ERP44: variants seen among roughly 807,000 people sequenced by gnomAD.
ERP44 encodes endoplasmic reticulum protein 44, also known as endoplasmic reticulum resident protein 44.
Under a neutral mutation model 53.4 loss-of-function variants are expected in ERP44, and 25 were observed. The ratio of observed to expected loss-of-function variants is 0.47; its 90% CI spans 0.34 to 0.65. The LOEUF is 0.65. ERP44 is among the 30% of genes least tolerant of loss of function. The pLI is 0.01. For missense variants in ERP44, 338 were observed against 493.2 expected, an observed-to-expected ratio of 0.69 and a Z score of 2.98; for synonymous variants, 145 against 161.2, an observed-to-expected ratio of 0.90 and a Z score of 0.76.
At chr9:100,078,787 A>G (rs1826387717) in intron 1 of ERP44, among the ~76,000 whole-genome samples, 1 of 152,144 alleles carries the variant, frequency 6.6e-6, no homozygotes, top group Non-Finnish European at 1.5e-5. Context: ...AAGTAAAGAA[A>G]AATATCTTCA....
At chr9:99,994,715 C>T (rs1468695427) in intron 10 of ERP44, among the ~76,000 whole-genome samples, 2 of 152,146 alleles carry the variant, frequency 1.3e-5, no homozygotes, top group African/African-American at 2.4e-5. Context: ...TCTTCCATGG[C>T]TCTATGTACC....
chr9:99,996,142 G>T (rs1158746721), intron 10 of ERP44, among the ~76,000 whole-genome samples: 5 of 152,128 alleles, frequency 3.3e-5, no homozygotes, highest in African/African-American at 1.2e-4. Flanking sequence ...ACATGGAGGT[G>T]CTGGTAGGTG....
At chr9:100,068,406 AGCCGCCGGG>A in intron 1 of ERP44, among the ~76,000 whole-genome samples, 3 of 39,814 alleles carry the variant, frequency 7.5e-5, no homozygotes, top group Non-Finnish European at 1.6e-4. Flanking sequence ...CTGCCCGGCC[AGCCGCCGGG>A]CCAGCCGCCC....
intron 1 of ERP44, among the ~76,000 whole-genome samples, chr9:100,070,742 T>G (rs141692654): frequency 9.7e-4 from 147 of 152,312 alleles, no homozygotes; most frequent in African/African-American, 3.5e-3. Flanking sequence ...ATAAGAAACA[T>G]TGGCTATAGA....
At chr9:99,991,223 GCAC>G (rs1201230420) in intron 10 of ERP44, among the ~76,000 whole-genome samples, 8 of 152,160 alleles carry the variant, frequency 5.3e-5, no homozygotes, top group African/African-American at 1.7e-4. Context: ...ATTCTTCTCA[GCAC>G]CACATCACAC....
In ERP44 at chr9:99,982,601, T is replaced by TG. The variant is rs1247951938; in HGVS notation, c.*10_*11insC. The TG allele has an allele frequency of 2.7e-6, 4 of 1,463,916 alleles. No individual in the cohort carries two copies. Among genetic ancestry groups the TG allele is most frequent in the Non-Finnish European group, 3.7e-6 (4 of 1,089,726 alleles). 90.7% of individuals were successfully genotyped at this position (1,463,916 alleles called of 1,614,324 possible). A position where few individuals can be genotyped will look rare whatever the true frequency, so the allele number is the denominator to read the frequency against. ...TGCTGTTGAAAGGCTTACAAACTGT[T>TG]TTTCAAGTTTTTAAAGCTCATCTCG... On this transcript the variant is annotated 3_prime_UTR_variant, in exon 12 of 12. Transcript: ENST00000262455.
intron 1 of ERP44, among the ~76,000 whole-genome samples, chr9:100,084,419 G>A (rs1203897534): frequency 6.6e-6 from 1 of 152,168 alleles, no homozygotes; most frequent in African/African-American, 2.4e-5. Context: ...GGATGACTGT[G>A]TATACTTTTA....
At chr9:99,990,707 GAC>G (rs1272245453) in intron 10 of ERP44, among the ~76,000 whole-genome samples, 7 of 152,172 alleles carry the variant, frequency 4.6e-5, no homozygotes, top group African/African-American at 1.7e-4. Context: ...CCAATTAAAA[GAC>G]ACAGACTGGC....
intron 10 of ERP44, among the ~76,000 whole-genome samples, chr9:99,989,283 G>A (rs1177622007): frequency 2.0e-5 from 3 of 152,160 alleles, no homozygotes; most frequent in Non-Finnish European, 2.9e-5. Flanking sequence ...CTCCCAGTAG[G>A]AGCCGACTGA....
At chr9:100,083,278 G>C (rs1826447323) in intron 1 of ERP44, among the ~76,000 whole-genome samples, 1 of 151,892 alleles carries the variant, frequency 6.6e-6, no homozygotes, top group East Asian at 1.9e-4. Flanking sequence ...ACTAGATAGT[G>C]GATAAATTAC....
intron 4 of ERP44, among the ~76,000 whole-genome samples, chr9:100,047,128 T>C (rs1564097249): frequency 6.6e-6 from 1 of 152,214 alleles, no homozygotes; most frequent in Non-Finnish European, 1.5e-5. Flanking sequence ...GTATAAACCT[T>C]CATACTACCA....
intron 4 of ERP44, among the ~76,000 whole-genome samples, chr9:100,041,854 G>A (rs1434427153): frequency 6.6e-6 from 1 of 152,182 alleles, no homozygotes; most frequent in East Asian, 1.9e-4. Flanking sequence ...ATATCCATAT[G>A]CAGAAGAATG....
At chr9:100,041,636 C>G (rs544074817) in intron 4 of ERP44, among the ~76,000 whole-genome samples, 1 of 152,210 alleles carries the variant, frequency 6.6e-6, no homozygotes, top group Non-Finnish European at 1.5e-5. Flanking sequence ...CCACTGCACT[C>G]CAGCCCCGCG....
At chr9:100,028,582 G>A (rs1406780002) in intron 4 of ERP44, among the ~76,000 whole-genome samples, 2 of 152,184 alleles carry the variant, frequency 1.3e-5, no homozygotes, top group African/African-American at 4.8e-5. Flanking sequence ...ACCACCACTG[G>A]AGAAAACCAC....
chr9:100,067,024 A>G (rs1826217527), intron 1 of ERP44, among the ~76,000 whole-genome samples: 1 of 152,222 alleles, frequency 6.6e-6, no homozygotes, highest in Non-Finnish European at 1.5e-5. Context: ...ACCTTCCTAT[A>G]GCATCAGTGC....
In ERP44 at chr9:99,982,390, T is replaced by G. The variant is rs577801049; in HGVS notation, c.*222A>C. 3.1e-4 allele frequency: 74 copies of G among 235,284 alleles called. No homozygotes were observed. The highest frequency in any genetic ancestry group is 1.7e-3 in the African/African-American group (71 of 41,884). The allele number at this position is 235,284 out of a possible 1,614,324, so 14.6% of individuals were successfully genotyped here. The stretch of plus-strand genomic sequence containing the variant: ...CAGATTTAAAGTGGAGATAGGCCTC[T>G]GATTTTTATTTTTAAATCCTAGCAG... On this transcript the variant is annotated 3_prime_UTR_variant, in exon 12 of 12. Transcript: ENST00000262455.
chr9:99,983,535 G>C (rs979978763), intron 11 of ERP44, among the ~76,000 whole-genome samples: 27 of 126,038 alleles, frequency 2.1e-4, no homozygotes, highest in African/African-American at 7.7e-4. Context: ...CTGGGCGACA[G>C]AGCGAGACTC....
chr9:100,027,281 G>C (rs1350394378), intron 4 of ERP44, among the ~76,000 whole-genome samples: 1 of 152,184 alleles, frequency 6.6e-6, no homozygotes, highest in African/African-American at 2.4e-5. Flanking sequence ...GAGAGAAAAA[G>C]ATTTAAAATA....
intron 10 of ERP44, among the ~76,000 whole-genome samples, chr9:100,000,759 A>C (rs1277799393): frequency 6.6e-6 from 1 of 151,952 alleles, no homozygotes; most frequent in Non-Finnish European, 1.5e-5. Flanking sequence ...TTCTCTCTTT[A>C]ATTCTAGCTA....
Sources: allele counts gnomAD v4.1 joint callset (sites outside exome capture counted in the v4.1 genomes callset), GRCh38; gene constraint gnomAD v4.1.1; transcripts MANE v1.5; gene names NCBI Gene and HGNC (gene_info 2026-07-23, HGNC 2026-07-21).